The following ARHGAP21 variants were observed in gnomAD, a reference collection of about 807,000 sequenced individuals.
ARHGAP21 encodes Rho GTPase activating protein 21.
ARHGAP21 carries 38 observed loss-of-function variants against 164.6 expected under a neutral mutation model. That is an observed-to-expected ratio of 0.23 (90% CI 0.18 to 0.30). The LOEUF (loss-of-function observed/expected upper bound fraction) is 0.30, where lower values mean the gene tolerates loss of function less well. Ranked by LOEUF, ARHGAP21 falls within the 10% of genes least tolerant of loss-of-function variation. The probability of loss-of-function intolerance (pLI) is 1.00; values close to 1 mark genes in which losing one functional copy is unlikely to be tolerated. For missense variants in ARHGAP21, 1,822 were observed against 2,370.7 expected (o/e 0.77, Z 4.81); for synonymous variants, 766 against 857.9 (o/e 0.89, Z 1.87).
At chr10:24,645,652 C>T (rs754972198) in intron 4 of ARHGAP21, among the ~76,000 whole-genome samples, 6 of 149,988 alleles carry the variant, frequency 4.0e-5, no homozygotes, top group Non-Finnish European at 5.9e-5. Flanking sequence ...TACCTAAGTA[C>T]AAAAATAAAG....
chr10:24,628,610 A>G (rs1379495409), intron 7 of ARHGAP21, among the ~76,000 whole-genome samples: 1 of 152,096 alleles, frequency 6.6e-6, no homozygotes, highest in Non-Finnish European at 1.5e-5. Flanking sequence ...GTTTACCAAA[A>G]AGAATTAAAA....
At chr10:24,693,012 T>G (rs1842874690) in intron 2 of ARHGAP21, among the ~76,000 whole-genome samples, 1 of 151,822 alleles carries the variant, frequency 6.6e-6, no homozygotes. Context: ...CGTGATAATA[T>G]TCACACGAAA....
chr10:24,707,246 C>CT (rs1278396210), intron 2 of ARHGAP21, among the ~76,000 whole-genome samples: 2 of 152,182 alleles, frequency 1.3e-5, no homozygotes, highest in African/African-American at 4.8e-5. Flanking sequence ...AAGACTTATC[C>CT]TTTAAGCTTC....
intron 2 of ARHGAP21, among the ~76,000 whole-genome samples, chr10:24,693,002 C>T (rs780720220): frequency 1.7e-4 from 26 of 151,834 alleles, no homozygotes; most frequent in Non-Finnish European, 5.9e-5. Context: ...GTGCATACAG[C>T]GTGATAATAT....
At chr10:24,636,824 T>C (rs867227316) in intron 4 of ARHGAP21, among the ~76,000 whole-genome samples, 4 of 152,162 alleles carry the variant, frequency 2.6e-5, no homozygotes, top group Admixed American at 6.5e-5. Flanking sequence ...CACTTGAAAT[T>C]TTCTGTGTGC....
At chr10:24,617,405 T>C (rs1042262824) in intron 9 of ARHGAP21, among the ~76,000 whole-genome samples, 1 of 152,110 alleles carries the variant, frequency 6.6e-6, no homozygotes, top group African/African-American at 2.4e-5. Flanking sequence ...GGTTGTAAGA[T>C]TTTTTTACAT....
chr10:24,623,501 T>C (rs1174824527), intron 7 of ARHGAP21, among the ~76,000 whole-genome samples: 1 of 152,238 alleles, frequency 6.6e-6, no homozygotes, highest in Non-Finnish European at 1.5e-5. Flanking sequence ...TTTTATGGCA[T>C]GAATACAGTT....
At chr10:24,669,634 C>T (rs1222688019) in intron 3 of ARHGAP21, among the ~76,000 whole-genome samples, 2 of 152,118 alleles carry the variant, frequency 1.3e-5, no homozygotes, top group African/African-American at 2.4e-5. Flanking sequence ...AGTAAGATAA[C>T]GCTCATAACG....
Position 24,591,655 on chromosome 10 carries a change from G to A in ARHGAP21, c.4031C>T (p.Ala1344Val). 6.2e-7 allele frequency: 1 copy of A among 1,614,054 alleles called. No individual in the cohort carries two copies. The highest frequency in any genetic ancestry group is 8.5e-7 in the Non-Finnish European group (1 of 1,179,968). ...HHDWFFTEEGAEEPLTTVQEE... is the reference protein window; with the variant it reads ...HHDWFFTEEGVEEPLTTVQEE... ...GACAATACTTACAAGAGGCTCTTCA[G>A]CACCTTCTTCTGTGAAAAACCAGTC... Residue 1344 changes from alanine to valine, a missense_variant, in exon 23 of 26, where the codon GCT (alanine) becomes GTT (valine). Ala to Val is a moderately conservative substitution (Grantham distance 64, BLOSUM62 0). This residue lies in a region of ARHGAP21 where 333 missense variants were observed against 383.9 expected (regional missense o/e 0.87). Transcript: ENST00000396432.
intron 3 of ARHGAP21, among the ~76,000 whole-genome samples, chr10:24,669,495 A>G (rs1196814004): frequency 6.6e-6 from 1 of 152,208 alleles, no homozygotes; most frequent in East Asian, 1.9e-4. Context: ...GTTCAGCATC[A>G]AGCATGTATA....
chr10:24,612,318 A>G (rs895800676), intron 9 of ARHGAP21, among the ~76,000 whole-genome samples: 2 of 152,190 alleles, frequency 1.3e-5, no homozygotes, highest in Admixed American at 1.3e-4. Flanking sequence ...ATATATTGCA[A>G]AAAGAGGGGT....
At chr10:24,607,946 GTTA>G (rs1235035610) in intron 9 of ARHGAP21, 43 bp from the exon 10 acceptor site, 2 of 1,527,584 alleles carry the variant, frequency 1.3e-6, no homozygotes, top group Non-Finnish European at 1.8e-6. Context: ...TGACCTAATT[GTTA>G]TTAATAATAA....
chr10:24,684,210 A>G (rs967741290), intron 2 of ARHGAP21, among the ~76,000 whole-genome samples: 6 of 152,076 alleles, frequency 3.9e-5, no homozygotes, highest in Non-Finnish European at 1.5e-5. Context: ...TCACTTGAAC[A>G]AGGGAGGCAG....
At position 24,598,738 on chromosome 10, in the gene ARHGAP21, TAC is replaced by T. The variant is rs773514171; in HGVS notation, c.3133-731_3133-730del. ...GAATGATGATACAGTTTACAAAGAA[TAC>T]AGTCTTTAAATACGGGAGTAAGTTA... On this transcript the variant is annotated intron_variant, in intron 14 of 25. Transcript: ENST00000396432. Among the ~76,000 whole-genome samples, 404 of 152,290 alleles carry T rather than the reference TAC, an allele frequency of 2.7e-3. 2 individuals carry two copies. Among genetic ancestry groups the T allele is most frequent in the Non-Finnish European group, 4.1e-3 (276 of 68,018 alleles).
At chr10:24,710,050 A>T (rs1332600942) in intron 2 of ARHGAP21, among the ~76,000 whole-genome samples, 2 of 152,230 alleles carry the variant, frequency 1.3e-5, no homozygotes, top group African/African-American at 4.8e-5. Context: ...AAATATGGGT[A>T]AAAACAAAAG....
At chr10:24,648,587 G>C (rs545441821) in intron 4 of ARHGAP21, among the ~76,000 whole-genome samples, 2 of 152,094 alleles carry the variant, frequency 1.3e-5, no homozygotes, top group African/African-American at 4.8e-5. Flanking sequence ...TCAAGACAGC[G>C]TGGCCAACAC....
intron 9 of ARHGAP21, among the ~76,000 whole-genome samples, chr10:24,618,118 G>A (rs552834933): frequency 2.4e-4 from 36 of 152,262 alleles, no homozygotes; most frequent in Non-Finnish European, 2.9e-5. Flanking sequence ...CTTATAAAAT[G>A]AAGATAATAT....
At chr10:24,593,571 T>C (rs1477282622) in intron 21 of ARHGAP21, among the ~76,000 whole-genome samples, 2 of 86,390 alleles carry the variant, frequency 2.3e-5, no homozygotes, top group Non-Finnish European at 5.7e-5. Context: ...ATTCATAAAT[T>C]TAAAAATTGT....
chr10:24,705,109 C>G (rs1031532410), intron 2 of ARHGAP21, among the ~76,000 whole-genome samples: 1 of 152,148 alleles, frequency 6.6e-6, no homozygotes, highest in Non-Finnish European at 1.5e-5. Context: ...ATGAAGACGT[C>G]TTAAAAAGGT....
Sources: allele counts gnomAD v4.1 joint callset (sites outside exome capture counted in the v4.1 genomes callset), GRCh38; gene constraint gnomAD v4.1.1; regional missense constraint gnomAD v4.1.1; transcripts MANE v1.5; gene names NCBI Gene and HGNC (gene_info 2026-07-23, HGNC 2026-07-21).